Variants in BRIP1 observed in about 807,000 individuals in gnomAD.
BRIP1 encodes Fanconi anemia group J protein.
Under a neutral mutation model 119.7 loss-of-function variants are expected in BRIP1, and 88 were observed. The observed-to-expected ratio is 0.74, with a 90% CI of 0.62 to 0.88. BRIP1 has a LOEUF of 0.88. Ranked by LOEUF, BRIP1 falls within the 40% of genes least tolerant of loss-of-function variation. The pLI is 0.00. For missense variants in BRIP1, 1,259 were observed against 1,455.4 expected (o/e 0.87, Z 2.20); for synonymous variants, 443 against 496.5 (o/e 0.89, Z 1.43).
chr17:61,755,476 T>TCACC lies in BRIP1; in HGVS notation c.2098-10886_2098-10885insGGTG. ...CAGGAGGCTGAGGTGGGAGGACTGCTTGAGCCCTGGAGGTTGAGGCTGCAC... is the reference window on the plus strand; with the variant it reads ...CAGGAGGCTGAGGTGGGAGGACTGCTCACCTGAGCCCTGGAGGTTGAGGCTGCAC... On this transcript the variant is annotated intron_variant, in intron 14 of 19. Coordinates refer to ENST00000259008, the MANE Select transcript of BRIP1 (RefSeq NM_032043.3). This position sits in a 1 kb window ranked among gnomAD's most constrained non-coding sequence, Gnocchi z 4.5. 6.6e-6 allele frequency among the ~76,000 whole-genome samples: 1 copy of TCACC among 152,148 alleles called. No homozygotes were observed. Among genetic ancestry groups the TCACC allele is most frequent in the African/African-American group, 2.4e-5 (1 of 41,436 alleles).
chr17:61,744,330 C>A lies in BRIP1; in HGVS notation c.2257+102G>T. The A allele has an allele frequency of 1.6e-6, 2 of 1,265,574 alleles. No individual in the cohort carries two copies. Among genetic ancestry groups the A allele is most frequent in the East Asian group, 5.1e-5 (2 of 39,268 alleles). The allele number at this position is 1,265,574 out of a possible 1,614,324, so 78.4% of individuals were successfully genotyped here. A position where few individuals can be genotyped will look rare whatever the true frequency, so the allele number is the denominator to read the frequency against. Reference sequence around the variant, plus strand: ...CTTTTCACTCAGGATTATAATTTTTCTCTTAAGTGTAATTCATCTAAAAAT... The same window carrying A: ...CTTTTCACTCAGGATTATAATTTTTATCTTAAGTGTAATTCATCTAAAAAT... On this transcript the variant is annotated intron_variant, in intron 15 of 19. Transcript: ENST00000259008. This position sits in a 1 kb window ranked among gnomAD's most constrained non-coding sequence, Gnocchi z 5.0.
rs918583519 is a variant in BRIP1 at position 61,724,517 on chromosome 17, G to A, written c.2380-8454C>T. On this transcript the variant is annotated intron_variant, in intron 16 of 19. Transcript: ENST00000259008. The surrounding 1 kb of genome is among the most constrained non-coding windows in gnomAD (Gnocchi z 5.1). Reference sequence around the variant, plus strand: ...AAAGTAGCCTTTTTAAAGTTTATCAGTAGCTTCTGAAAAAATAAATGGTGT... The same window carrying A: ...AAAGTAGCCTTTTTAAAGTTTATCAATAGCTTCTGAAAAAATAAATGGTGT... 6.6e-5 allele frequency among the ~76,000 whole-genome samples: 10 copies of A among 152,058 alleles called. No homozygotes were observed. The highest frequency in any genetic ancestry group is 2.2e-4 in the African/African-American group (9 of 41,428).
Position 61,704,686 on chromosome 17 carries a change from A to C in BRIP1, c.2493-11174T>G, listed in dbSNP as rs751509070. ...ATGTTATCTATTTCATCTTGGGTGA[A>C]TTTTGGTATTTTGTGGGTTTTGTGG... On this transcript the variant is annotated intron_variant, in intron 17 of 19. Coordinates refer to ENST00000259008, the MANE Select transcript of BRIP1 (RefSeq NM_032043.3). This position sits in a 1 kb window ranked among gnomAD's most constrained non-coding sequence, Gnocchi z 5.7. Among the ~76,000 whole-genome samples the C allele has an allele frequency of 1.3e-5, 2 of 152,058 alleles. No individual in the cohort carries two copies. The highest frequency in any genetic ancestry group is 2.9e-5 in the Non-Finnish European group (2 of 68,020).
intron 6 of BRIP1, among the ~76,000 whole-genome samples, chr17:61,826,127 C>A (rs1021450158): frequency 3.3e-5 from 5 of 152,266 alleles, no homozygotes; most frequent in Non-Finnish European, 5.9e-5. Flanking sequence ...CTTGAACAAA[C>A]CTACCAAAAA....
At chr17:61,858,349 A>G (rs1309893105) in intron 3 of BRIP1, among the ~76,000 whole-genome samples, 1 of 151,812 alleles carries the variant, frequency 6.6e-6, no homozygotes, top group Non-Finnish European at 1.5e-5. Flanking sequence ...CAAAATGAAC[A>G]ACCAAAAGCT....
chr17:61,780,206 G>A lies in BRIP1; in HGVS notation c.1935+55C>T. 2 of 1,540,126 alleles carry A rather than the reference G, an allele frequency of 1.3e-6. No individual in the cohort carries two copies. The highest frequency in any genetic ancestry group is 1.8e-6 in the Non-Finnish European group (2 of 1,120,678). ...AGGTATCTTCTAACTTGTTTACATA[G>A]TTATATTGAAGTAGAAACACTGAAG... is the stretch of plus-strand genomic sequence containing the variant. On this transcript the variant is annotated intron_variant, in intron 13 of 19. Coordinates refer to ENST00000259008, the MANE Select transcript of BRIP1 (RefSeq NM_032043.3). This position sits in a 1 kb window ranked among gnomAD's most constrained non-coding sequence, Gnocchi z 5.4.
intron 17 of BRIP1, among the ~76,000 whole-genome samples, chr17:61,707,707 A>G (rs2144312073): frequency 6.6e-6 from 1 of 152,226 alleles, no homozygotes; most frequent in Non-Finnish European, 1.5e-5. Flanking sequence ...TGGAGGCAAT[A>G]TGGTACATCT....
intron 6 of BRIP1, among the ~76,000 whole-genome samples, chr17:61,829,929 TTTTTTTTTTTC>T (rs927620888): frequency 4.0e-5 from 3 of 75,738 alleles, no homozygotes; most frequent in African/African-American, 2.8e-4. Flanking sequence ...AGTTTCAATC[TTTTTTTTTTTC>T]TTTTTTTTTG....
chr17:61,795,058 A>C lies in BRIP1; in HGVS notation c.1341-1329T>G, dbSNP rs753764856. ...TCAGTCATCTTGAGTCATCATAAGA[A>C]ATCTGAATTTATTCAAAGGGCAATG... On this transcript the variant is annotated intron_variant, in intron 9 of 19. Transcript: ENST00000259008. This position sits in a 1 kb window ranked among gnomAD's most constrained non-coding sequence, Gnocchi z 5.6. Among the ~76,000 whole-genome samples the C allele has an allele frequency of 8.5e-5, 13 of 152,106 alleles. No individual in the cohort carries two copies. Among genetic ancestry groups the C allele is most frequent in the Non-Finnish European group, 1.8e-4 (12 of 68,002 alleles).
chr17:61,695,347 C>T lies in BRIP1; in HGVS notation c.2493-1835G>A, dbSNP rs543796598. Among the ~76,000 whole-genome samples the T allele has an allele frequency of 6.6e-6, 1 of 152,264 alleles. No individual in the cohort carries two copies. Among genetic ancestry groups the T allele is most frequent in the East Asian group, 1.9e-4 (1 of 5,182 alleles). On this transcript the variant is annotated intron_variant, in intron 17 of 19. Transcript: ENST00000259008. This position sits in a 1 kb window ranked among gnomAD's most constrained non-coding sequence, Gnocchi z 4.3. ...CCTCAATTCTACCCATTGATCTATACATCTGTCTTTATGCCAGTACAACAT... is the reference window on the plus strand; with the variant it reads ...CCTCAATTCTACCCATTGATCTATATATCTGTCTTTATGCCAGTACAACAT...
At position 61,824,612 on chromosome 17, in the gene BRIP1, A is replaced by C. The variant is rs1431124713; in HGVS notation, c.628-15855T>G. Among the ~76,000 whole-genome samples the C allele has an allele frequency of 6.6e-6, 1 of 152,232 alleles. No homozygotes were observed. Among genetic ancestry groups the C allele is most frequent in the South Asian group, 2.1e-4 (1 of 4,834 alleles). On this transcript the variant is annotated intron_variant, in intron 6 of 19. Transcript: ENST00000259008. This position sits in a 1 kb window ranked among gnomAD's most constrained non-coding sequence, Gnocchi z 4.3. ...CAGGGAAACCTGGATATCTACACAC[A>C]AACAATGAAGTTGCACCATTATAAT...
At chr17:61,765,400 TATATATATATATATATA>T (rs2077347200) in intron 14 of BRIP1, among the ~76,000 whole-genome samples, 1 of 14,400 alleles carries the variant, frequency 6.9e-5, no homozygotes, top group African/African-American at 2.4e-4. Flanking sequence ...TATATATATA[TATATATATATATATATA>T]TATATATTTT....
rs539366827 is a variant in BRIP1, at chr17:61,702,576, C to T, written c.2493-9064G>A. On this transcript the variant is annotated intron_variant, in intron 17 of 19. Coordinates refer to ENST00000259008, the MANE Select transcript of BRIP1 (RefSeq NM_032043.3). ...TGTGGTATTTGGTTTTCTGTTCCTC[C>T]GTTAGTTCATTTAGAATAATGGCTT... 7.2e-5 allele frequency among the ~76,000 whole-genome samples: 11 copies of T among 152,232 alleles called. No individual in the cohort carries two copies. In the South Asian group the frequency reaches 1.5e-3, roughly 20 times the overall value.
Position 61,833,308 on chromosome 17 carries a change from T to C in BRIP1, c.627+13793A>G, listed in dbSNP as rs1410047670. On this transcript the variant is annotated intron_variant, in intron 6 of 19. Coordinates refer to ENST00000259008, the MANE Select transcript of BRIP1 (RefSeq NM_032043.3). ...GTTCACTCAATATGATAAAGAAGAT[T>C]TGAAACTTTTGAGAATTAAACATTT... Among the ~76,000 whole-genome samples, 4 of 152,184 alleles carry C rather than the reference T, an allele frequency of 2.6e-5. No individual in the cohort carries two copies. In the East Asian group the frequency reaches 7.7e-4, roughly 29 times the overall value.
intron 16 of BRIP1, among the ~76,000 whole-genome samples, chr17:61,719,396 C>T (rs1660058713): frequency 6.6e-6 from 1 of 152,036 alleles, no homozygotes; most frequent in Non-Finnish European, 1.5e-5. Context: ...TAAAGTTAAA[C>T]ACCACATGTT....
At chr17:61,826,942 A>C (rs1238063933) in intron 6 of BRIP1, among the ~76,000 whole-genome samples, 1 of 152,168 alleles carries the variant, frequency 6.6e-6, no homozygotes. Context: ...AAGAAATATA[A>C]ATTGTTCTAT....
chr17:61,781,802 C>A (rs1442487909), intron 11 of BRIP1, among the ~76,000 whole-genome samples: 3 of 151,082 alleles, frequency 2.0e-5, no homozygotes, highest in Non-Finnish European at 3.0e-5. Context: ...TCGCCTGTAA[C>A]CCCAGCTACT....
intron 14 of BRIP1, among the ~76,000 whole-genome samples, chr17:61,766,737 AATGGTTT>A: frequency 6.6e-6 from 1 of 152,300 alleles, no homozygotes; most frequent in Admixed American, 6.5e-5. Flanking sequence ...CCTCAGGGAA[AATGGTTT>A]ATACATATTA....
At chr17:61,818,204 G>A (rs1057483302) in intron 6 of BRIP1, among the ~76,000 whole-genome samples, 26 of 150,442 alleles carry the variant, frequency 1.7e-4, no homozygotes, top group Non-Finnish European at 7.4e-5. Context: ...GGGGGAGGGG[G>A]GGGAAAGATG....
Sources: gnomAD v4.1 joint callset for allele counts (sites outside exome capture counted in the v4.1 genomes callset) on GRCh38, gnomAD v4.1.1 for gene constraint, Gnocchi (gnomAD v3.1) non-coding constraint, MANE v1.5 for transcripts, NCBI Gene and HGNC (gene_info 2026-07-23, HGNC 2026-07-21) for gene names.